SKAP1: variants seen among roughly 807,000 people sequenced by gnomAD.
The protein encoded by SKAP1 is src kinase associated phosphoprotein 1, also known as src kinase-associated phosphoprotein 1.
Under a neutral mutation model 58.5 loss-of-function variants are expected in SKAP1, and 44 were observed. The observed-to-expected ratio is 0.75, with a 90% CI of 0.59 to 0.97. SKAP1 has a LOEUF of 0.97. SKAP1 is among the 50% of genes least tolerant of loss of function. SKAP1 has a pLI of 0.00. For synonymous variants in SKAP1, 127 were observed against 149.7 expected (o/e 0.85, Z 1.11); for missense variants, 390 against 435.2 (o/e 0.90, Z 0.92).
At chr17:48,234,803 C>A (rs778010295) in intron 4 of SKAP1, among the ~76,000 whole-genome samples, 3 of 151,540 alleles carry the variant, frequency 2.0e-5, no homozygotes, top group Non-Finnish European at 4.4e-5. Context: ...TGCATTAATA[C>A]AAAATGAATA....
chr17:48,403,546 G>C (rs1450280805), intron 1 of SKAP1, among the ~76,000 whole-genome samples: 1 of 151,876 alleles, frequency 6.6e-6, no homozygotes, highest in Admixed American at 6.6e-5. Flanking sequence ...CACCCAGAGA[G>C]AAAAAATAAG....
intron 4 of SKAP1, among the ~76,000 whole-genome samples, chr17:48,286,249 C>T (rs985911133): frequency 6.6e-6 from 1 of 152,168 alleles, no homozygotes; most frequent in Non-Finnish European, 1.5e-5. Context: ...TATTGTTAGA[C>T]CACAGCAGGA....
At chr17:48,414,976 C>T (rs2067714128) in intron 1 of SKAP1, among the ~76,000 whole-genome samples, 1 of 152,146 alleles carries the variant, frequency 6.6e-6, no homozygotes, top group African/African-American at 2.4e-5. Flanking sequence ...TTAAGGTTGC[C>T]TCCTGTTTTC....
intron 11 of SKAP1, among the ~76,000 whole-genome samples, chr17:48,158,898 C>T (rs1179710137): frequency 1.3e-5 from 2 of 149,874 alleles, no homozygotes; most frequent in Admixed American, 6.6e-5. Flanking sequence ...GGGGCGGAGC[C>T]TGCAGTGAGC....
Position 48,288,638 on chromosome 17 carries a change from A to C in SKAP1, c.280+57267T>G, listed in dbSNP as rs1290340317. 5.3e-5 allele frequency among the ~76,000 whole-genome samples: 8 copies of C among 152,328 alleles called. No homozygotes were observed. The South Asian group carries it at 8.3e-4, about 16-fold the overall frequency. ...GAGATGGAGGTTGCAGTGAGCCGAG[A>C]CTGAGCCACTGCACTCCAGCCTGGG... On this transcript the variant is annotated intron_variant, in intron 4 of 12. Coordinates refer to ENST00000336915, the MANE Select transcript of SKAP1 (RefSeq NM_003726.4).
At chr17:48,211,864 G>A (rs1413951462) in intron 4 of SKAP1, among the ~76,000 whole-genome samples, 2 of 151,954 alleles carry the variant, frequency 1.3e-5, no homozygotes, top group Non-Finnish European at 1.5e-5. Context: ...CCAGCCAGCA[G>A]GAAGGAGGAA....
intron 4 of SKAP1, chr17:48,307,767 T>G (rs1390204990): frequency 6.6e-6 from 1 of 152,166 alleles, no homozygotes; most frequent in Non-Finnish European, 1.5e-5. Context: ...GTGGGGGTCT[T>G]AATAATTTCT....
chr17:48,176,561 T>C (rs1017695671), intron 9 of SKAP1, among the ~76,000 whole-genome samples: 5 of 152,200 alleles, frequency 3.3e-5, no homozygotes, highest in African/African-American at 1.2e-4. Context: ...GCAAATGAGA[T>C]CCTAAAAAAA....
chr17:48,397,445 C>T (rs923411506), intron 1 of SKAP1, among the ~76,000 whole-genome samples: 14 of 152,132 alleles, frequency 9.2e-5, no homozygotes, highest in Admixed American at 7.9e-4. Context: ...AGGCTGGTTT[C>T]GAACTCCTGA....
At chr17:48,209,647 A>G (rs111648170) in intron 4 of SKAP1, among the ~76,000 whole-genome samples, 3 of 152,208 alleles carry the variant, frequency 2.0e-5, no homozygotes, top group African/African-American at 7.2e-5. Flanking sequence ...CCATTTAACT[A>G]TGGCTGAATT....
chr17:48,334,336 A>G (rs1454012052), intron 4 of SKAP1, among the ~76,000 whole-genome samples: 1 of 151,994 alleles, frequency 6.6e-6, no homozygotes, highest in African/African-American at 2.4e-5. Flanking sequence ...CCTTTTCCCA[A>G]TAGCCAAGTA....
chr17:48,148,311 G>T (rs895495254), intron 11 of SKAP1, among the ~76,000 whole-genome samples: 1 of 152,092 alleles, frequency 6.6e-6, no homozygotes, highest in Non-Finnish European at 1.5e-5. Context: ...ATGAAAAGAA[G>T]CACACAACTT....
chr17:48,355,824 TA>T (rs746594983), intron 3 of SKAP1, among the ~76,000 whole-genome samples: 567 of 136,332 alleles, frequency 4.2e-3, no homozygotes, highest in Admixed American at 6.7e-3. Context: ...AGACTCTGTC[TA>T]AAAAAAAAAA....
chr17:48,197,328 C>T (rs7209325), intron 4 of SKAP1, among the ~76,000 whole-genome samples: 75 of 150,886 alleles, frequency 5.0e-4, no homozygotes, highest in Middle Eastern at 7.0e-3. Context: ...CAAGGGTGAT[C>T]ATCTAGAAAA....
intron 1 of SKAP1, among the ~76,000 whole-genome samples, chr17:48,414,217 T>TA (rs1221621521): frequency 6.6e-6 from 1 of 152,150 alleles, no homozygotes; most frequent in African/African-American, 2.4e-5. Flanking sequence ...TAGAGGCACC[T>TA]AGTCTCGAGG....
At chr17:48,400,519 C>T (rs1481461817) in intron 1 of SKAP1, among the ~76,000 whole-genome samples, 2 of 151,878 alleles carry the variant, frequency 1.3e-5, no homozygotes, top group Non-Finnish European at 1.5e-5. Flanking sequence ...CTCAGCACTT[C>T]GGGAGGCCAA....
chr17:48,247,407 T>C (rs1331783785), intron 4 of SKAP1, among the ~76,000 whole-genome samples: 5 of 152,246 alleles, frequency 3.3e-5, no homozygotes, highest in East Asian at 1.9e-4. Context: ...GCATATCTTA[T>C]GCTGTCTCTT....
chr17:48,248,359 C>T, intron 4 of SKAP1, among the ~76,000 whole-genome samples: 1 of 152,014 alleles, frequency 6.6e-6, no homozygotes, highest in East Asian at 1.9e-4. Flanking sequence ...CTGTGATCAG[C>T]AGTTCGAGAC....
intron 9 of SKAP1, among the ~76,000 whole-genome samples, chr17:48,175,816 G>T (rs988422318): frequency 1.8e-4 from 27 of 152,310 alleles, no homozygotes; most frequent in African/African-American, 6.0e-4. Flanking sequence ...CTAGGTAGAA[G>T]AAACAACATG....
Sources: gnomAD v4.1 joint callset for allele counts (sites outside exome capture counted in the v4.1 genomes callset) on GRCh38, gnomAD v4.1.1 for gene constraint, MANE v1.5 for transcripts, NCBI Gene and HGNC (gene_info 2026-07-23, HGNC 2026-07-21) for gene names.